The following RALGAPA2 variants were observed in gnomAD, a reference collection of about 807,000 sequenced individuals.
The protein encoded by RALGAPA2 is ral GTPase-activating protein subunit alpha-2.
Under a neutral mutation model 230.4 loss-of-function variants are expected in RALGAPA2, and 139 were observed. That is an observed-to-expected ratio of 0.60 (90% CI 0.53 to 0.69). The LOEUF is 0.69. RALGAPA2 is among the 30% of genes least tolerant of loss of function. The pLI, the probability that RALGAPA2 is intolerant of heterozygous loss-of-function variation, is 0.00. For synonymous variants in RALGAPA2, 847 were observed against 837.8 expected, an observed-to-expected ratio of 1.01 and a Z score of -0.19; for missense variants, 2,163 against 2,276.0, an observed-to-expected ratio of 0.95 and a Z score of 1.01.
chr20:20,453,177 G>A (rs565386467), intron 37 of RALGAPA2, among the ~76,000 whole-genome samples: 10 of 152,202 alleles, frequency 6.6e-5, no homozygotes, highest in African/African-American at 2.4e-4. Flanking sequence ...AAATATGTGA[G>A]GTTCTTAGTG....
chr20:20,566,463 T>C (rs2064427855), intron 23 of RALGAPA2, among the ~76,000 whole-genome samples: 1 of 152,214 alleles, frequency 6.6e-6, no homozygotes, highest in East Asian at 1.9e-4. Context: ...TTATGTTTTT[T>C]AGTCAAATCA....
chr20:20,418,045 AAAGT>A (rs1479281062), intron 37 of RALGAPA2, among the ~76,000 whole-genome samples: 3 of 152,240 alleles, frequency 2.0e-5, no homozygotes, highest in Admixed American at 1.3e-4. Flanking sequence ...GACCACATTC[AAAGT>A]AAGAGCTCCT....
At chr20:20,514,591 C>T (rs1373724111) in intron 31 of RALGAPA2, among the ~76,000 whole-genome samples, 1 of 152,176 alleles carries the variant, frequency 6.6e-6, no homozygotes, top group Admixed American at 6.5e-5. Context: ...GGAGCCCATT[C>T]CACTCCATGC....
chr20:20,532,509 G>C (rs2063392044), intron 26 of RALGAPA2, among the ~76,000 whole-genome samples: 1 of 152,208 alleles, frequency 6.6e-6, no homozygotes, highest in Non-Finnish European at 1.5e-5. Flanking sequence ...AAACCTGGGG[G>C]AATGGTGGGG....
intron 4 of RALGAPA2, among the ~76,000 whole-genome samples, chr20:20,653,115 G>T (rs925272050): frequency 1.4e-5 from 2 of 138,970 alleles, no homozygotes; most frequent in African/African-American, 5.3e-5. Flanking sequence ...AGAATCACTT[G>T]AACTCGGGAG....
chr20:20,542,786 A>G (rs1327260143), intron 24 of RALGAPA2, among the ~76,000 whole-genome samples: 1 of 152,236 alleles, frequency 6.6e-6, no homozygotes, highest in East Asian at 1.9e-4. Flanking sequence ...TTTAAACATA[A>G]GACCTAAAAC....
In RALGAPA2 at chr20:20,503,442, G is replaced by C. The variant is rs372186759; in HGVS notation, c.5117C>G (p.Thr1706Arg). The change falls in exon 35 of 40, where the codon ACG becomes AGG. Residue 1706 changes from threonine to arginine, a missense_variant. Coordinates refer to ENST00000202677, the MANE Select transcript of RALGAPA2 (RefSeq NM_020343.4). ...GLQRNGSTGQ[T>R]APYYATSTVE... ...AGTTGAGGTAGCATAGTAAGGGGCCGTCTGCCCGGTGCTGCCATTGCGCTG... is the reference window on the plus strand; with the variant it reads ...AGTTGAGGTAGCATAGTAAGGGGCCCTCTGCCCGGTGCTGCCATTGCGCTG... 3.7e-6 allele frequency: 6 copies of C among 1,608,160 alleles called. No individual in the cohort carries two copies. Among genetic ancestry groups the C allele is most frequent in the Non-Finnish European group, 5.1e-6 (6 of 1,177,208 alleles).
chr20:20,415,194 A>T (rs1250705647), intron 37 of RALGAPA2, among the ~76,000 whole-genome samples: 1 of 152,252 alleles, frequency 6.6e-6, no homozygotes, highest in East Asian at 1.9e-4. Context: ...TTTCTATAAC[A>T]AAGGGCATTT....
In RALGAPA2 at chr20:20,676,390, C is replaced by T. The variant is rs1416132466; in HGVS notation, c.218-102G>A. 8.4e-6 allele frequency: 6 copies of T among 715,676 alleles called. No homozygotes were observed. In the East Asian group the frequency reaches 1.8e-4, roughly 21 times the overall value. 44.3% of individuals were successfully genotyped at this position (715,676 alleles called of 1,614,324 possible). A position where few individuals can be genotyped will look rare whatever the true frequency, so the allele number is the denominator to read the frequency against. ...CTTAAAACTAGTAAGCCTCAACATA[C>T]ATTCATTTATTCAAAAAATAGCAAG... On this transcript the variant is annotated intron_variant, in intron 2 of 39. Transcript: ENST00000202677.
intron 27 of RALGAPA2, among the ~76,000 whole-genome samples, chr20:20,531,240 GTTC>G (rs1226539533): frequency 1.3e-5 from 2 of 152,332 alleles, no homozygotes; most frequent in East Asian, 1.9e-4. Flanking sequence ...GTGAATGGCA[GTTC>G]TTCTTCTCAT....
chr20:20,534,383 T>C (rs1012498489), intron 26 of RALGAPA2, among the ~76,000 whole-genome samples: 1 of 151,582 alleles, frequency 6.6e-6, no homozygotes, highest in African/African-American at 2.4e-5. Flanking sequence ...AGGTGGAGTT[T>C]GCAGTGAGCC....
At chr20:20,558,308 C>T (rs528112697) in intron 23 of RALGAPA2, among the ~76,000 whole-genome samples, 1 of 152,246 alleles carries the variant, frequency 6.6e-6, no homozygotes, top group South Asian at 2.1e-4. Flanking sequence ...GCCCAGCCTG[C>T]ACAGCACTAT....
At chr20:20,599,879 G>T (rs1029782379) in intron 16 of RALGAPA2, among the ~76,000 whole-genome samples, 1 of 151,516 alleles carries the variant, frequency 6.6e-6, no homozygotes, top group Non-Finnish European at 1.5e-5. Flanking sequence ...AGGCTGAGGT[G>T]GTAGAATCGC....
In RALGAPA2 at chr20:20,639,830, T is replaced by C. The variant is rs746379548; in HGVS notation, c.621A>G (p.Gln207=). The C allele has an allele frequency of 1.2e-6, 2 of 1,613,580 alleles. No homozygotes were observed. The highest frequency in any genetic ancestry group is 1.3e-5 in the African/African-American group (1 of 74,924). Residue 207 remains glutamine, a synonymous_variant, in exon 7 of 40, where the codon CAA becomes CAG. Coordinates refer to ENST00000202677, the MANE Select transcript of RALGAPA2 (RefSeq NM_020343.4). ...ACAGTATTTGAAGAAAAAAGCAGGT[T>C]TGGTCCTCAGCAATCTTCTCCCCTG... The part of the protein sequence containing the change: ...AISGEKIAED[Q]TCFFLQILLK...
In RALGAPA2 at chr20:20,620,523, T is replaced by G. The variant is rs2066287177; in HGVS notation, c.1341A>C (p.Arg447Ser). Residue 447 changes from arginine (R) to serine (S), a missense_variant, in exon 11 of 40, where the codon AGA becomes AGC. Physicochemically the swap from Arg to Ser is moderately radical, Grantham distance 110. Transcript: ENST00000202677. ...DKPVFMEEPD[R>S]KDVAQEDAEK... ...CAGCATCTTCTTGGGCAACATCTTT[T>G]CTATCTGGCTCCTCCATGAACACAG... 6.2e-7 allele frequency: 1 copy of G among 1,613,854 alleles called. No homozygotes were observed. Among genetic ancestry groups the G allele is most frequent in the Admixed American group, 1.7e-5 (1 of 60,012 alleles).
At chr20:20,662,338 T>G (rs2067810275) in intron 3 of RALGAPA2, among the ~76,000 whole-genome samples, 1 of 152,064 alleles carries the variant, frequency 6.6e-6, no homozygotes, top group Non-Finnish European at 1.5e-5. Flanking sequence ...CTTGTGGATT[T>G]TAACACTCGA....
At position 20,616,150 on chromosome 20, in the gene RALGAPA2, T is replaced by G; in HGVS notation, c.1581A>C (p.Pro527=). ...TCAAGAGCACAGGAACTTCAGCACA[T>G]GGTTCCAACAAAAAGATGTTTGCAG... ...TNSANIFLLE[P]CAEVPVLLKE... Residue 527 remains proline, a synonymous_variant, in exon 13 of 40, where the codon CCA becomes CCC. Transcript: ENST00000202677. 1.3e-6 allele frequency: 2 copies of G among 1,546,688 alleles called. No homozygotes were observed. The highest frequency in any genetic ancestry group is 1.7e-6 in the Non-Finnish European group (2 of 1,147,016).
intron 31 of RALGAPA2, among the ~76,000 whole-genome samples, chr20:20,518,885 A>G (rs1474920014): frequency 6.6e-6 from 1 of 152,232 alleles, no homozygotes; most frequent in Non-Finnish European, 1.5e-5. Context: ...ATGAACTTAC[A>G]GTAGGGAACA....
In RALGAPA2 at chr20:20,390,818, C is replaced by T. The variant is rs534894721; in HGVS notation, c.*2471G>A. The T allele has an allele frequency of 1.1e-4, 17 of 152,296 alleles. No individual in the cohort carries two copies. The highest frequency in any genetic ancestry group is 3.4e-4 in the African/African-American group (14 of 41,552). The allele number at this position is 152,296 out of a possible 1,614,324, so 9.4% of individuals were successfully genotyped here. ...CCTGCTCCACGTTCCATCTCCAGAC[C>T]AAAGCTGCTACTGAGAATGGCAGGC... On this transcript the variant is annotated 3_prime_UTR_variant, in exon 40 of 40. Coordinates refer to ENST00000202677, the MANE Select transcript of RALGAPA2 (RefSeq NM_020343.4).
Sources: allele counts gnomAD v4.1 joint callset (sites outside exome capture counted in the v4.1 genomes callset), GRCh38; gene constraint gnomAD v4.1.1; transcripts MANE v1.5; gene names NCBI Gene and HGNC (gene_info 2026-07-23, HGNC 2026-07-21).